ELOVL7: variants seen among roughly 807,000 people sequenced by gnomAD.
ELOVL7 encodes the protein ELOVL fatty acid elongase 7, also known as very long chain fatty acid elongase 7.
A neutral mutation model predicts 35.7 loss-of-function variants in ELOVL7; 27 were observed. That is an observed-to-expected ratio of 0.76 (90% CI 0.56 to 1.04). The LOEUF is 1.04. ELOVL7 is among the 50% of genes least tolerant of loss of function. ELOVL7 has a pLI of 0.00. For missense variants in ELOVL7, 327 were observed against 340.8 expected (o/e 0.96, Z 0.32); for synonymous variants, 113 against 114.6 (o/e 0.99, Z 0.09).
chr5:60,829,353 T>C (rs1479483547), intron 1 of ELOVL7, among the ~76,000 whole-genome samples: 4 of 152,178 alleles, frequency 2.6e-5, no homozygotes, highest in Non-Finnish European at 5.9e-5. Flanking sequence ...TTTTCTTTGA[T>C]GTTATAAGTT....
In ELOVL7 at chr5:60,831,002, G is replaced by A. The variant is rs561711518; in HGVS notation, c.-86+13158C>T. Among the ~76,000 whole-genome samples, 3 of 152,300 alleles carry A rather than the reference G, an allele frequency of 2.0e-5. No homozygotes were observed. In the East Asian group the frequency reaches 5.8e-4, roughly 29 times the overall value. ...TATGGGCAAGAGAAAGAGAAAAAAT[G>A]AGGAGAAATGACTTCTATATTTCAT... On this transcript the variant is annotated intron_variant, in intron 1 of 8. Coordinates refer to ENST00000508821, the MANE Select transcript of ELOVL7 (RefSeq NM_024930.3).
At chr5:60,782,610 CTA>C (rs1390673010) in intron 3 of ELOVL7, among the ~76,000 whole-genome samples, 1 of 152,178 alleles carries the variant, frequency 6.6e-6, no homozygotes, top group African/African-American at 2.4e-5. Flanking sequence ...AACCAATGGA[CTA>C]TTATTCAGCC....
chr5:60,802,067 T>C (rs1349006532), intron 1 of ELOVL7, among the ~76,000 whole-genome samples: 2 of 2,672 alleles, frequency 7.5e-4, no homozygotes, highest in Non-Finnish European at 7.5e-4. Flanking sequence ...CTCTCATATA[T>C]ATATATATAT....
chr5:60,812,989 G>A (rs1244556203), intron 1 of ELOVL7, among the ~76,000 whole-genome samples: 2 of 151,980 alleles, frequency 1.3e-5, no homozygotes, highest in African/African-American at 4.8e-5. Flanking sequence ...TGACTCCTAA[G>A]TCTACACTCT....
At chr5:60,788,966 A>G (rs1743764580) in intron 2 of ELOVL7, among the ~76,000 whole-genome samples, 1 of 152,190 alleles carries the variant, frequency 6.6e-6, no homozygotes, top group Non-Finnish European at 1.5e-5. Flanking sequence ...TAATCACTAA[A>G]TGGTGTGGCA....
chr5:60,776,415 C>T (rs1742907430), intron 3 of ELOVL7, among the ~76,000 whole-genome samples: 1 of 152,188 alleles, frequency 6.6e-6, no homozygotes, highest in African/African-American at 2.4e-5. Context: ...AATATACATA[C>T]ACTTGCATGT....
At chr5:60,844,035 C>G (rs1274003163) in intron 1 of ELOVL7, 125 bp downstream of exon 1, 1 of 152,578 alleles carries the variant, frequency 6.6e-6, no homozygotes, top group Non-Finnish European at 1.5e-5. Context: ...GCGCCGCGCC[C>G]AAGTTCCTCC....
intron 1 of ELOVL7, among the ~76,000 whole-genome samples, chr5:60,827,712 T>A (rs1299926660): frequency 6.6e-6 from 1 of 152,166 alleles, no homozygotes; most frequent in Admixed American, 6.5e-5. Context: ...ATTCTACAAA[T>A]GAGCATGTAA....
chr5:60,815,731 C>G (rs1429266107), intron 1 of ELOVL7, among the ~76,000 whole-genome samples: 1 of 151,972 alleles, frequency 6.6e-6, no homozygotes, highest in Non-Finnish European at 1.5e-5. Context: ...CCATGCCTGG[C>G]TAATTTTTCT....
rs930071290 is a variant in ELOVL7, at chr5:60,753,092, T to A, written c.*1532A>T. ...CTGGTAAGTGTAAACATAAAAATAC[T>A]TACTGTACACAGAGTACAATAAGTA... is the stretch of plus-strand genomic sequence containing the variant. On this transcript the variant is annotated 3_prime_UTR_variant, in exon 9 of 9. Transcript: ENST00000508821. 6.6e-6 allele frequency: 1 copy of A among 152,092 alleles called. No individual in the cohort carries two copies. The highest frequency in any genetic ancestry group is 2.4e-5 in the African/African-American group (1 of 41,424). The allele number at this position is 152,092 out of a possible 1,614,324, so 9.4% of individuals were successfully genotyped here. A position where few individuals can be genotyped will look rare whatever the true frequency, so the allele number is the denominator to read the frequency against.
chr5:60,762,299 C>CAAAA (rs3030130), intron 7 of ELOVL7, among the ~76,000 whole-genome samples: 3 of 79,526 alleles, frequency 3.8e-5, no homozygotes, highest in African/African-American at 8.1e-5. Context: ...AACTCTGCCT[C>CAAAA]AAAAAAAAAA....
At chr5:60,758,843 T>C (rs900807706) in intron 7 of ELOVL7, among the ~76,000 whole-genome samples, 4 of 152,210 alleles carry the variant, frequency 2.6e-5, no homozygotes, top group Non-Finnish European at 4.4e-5. Context: ...GGAATTTACA[T>C]TTTTCTCTAA....
At chr5:60,790,038 G>C (rs1426082079) in intron 2 of ELOVL7, among the ~76,000 whole-genome samples, 1 of 152,148 alleles carries the variant, frequency 6.6e-6, no homozygotes, top group Non-Finnish European at 1.5e-5. Context: ...TCAGGAGGCT[G>C]AGGCAGGGGA....
intron 1 of ELOVL7, among the ~76,000 whole-genome samples, chr5:60,834,726 A>G (rs1045737719): frequency 6.6e-6 from 1 of 152,194 alleles, no homozygotes; most frequent in Non-Finnish European, 1.5e-5. Context: ...TTACTACACT[A>G]TAGCGTAAAC....
At chr5:60,786,403 C>T (rs574003441) in intron 3 of ELOVL7, among the ~76,000 whole-genome samples, 105 of 152,242 alleles carry the variant, frequency 6.9e-4, no homozygotes, top group African/African-American at 2.5e-3. Flanking sequence ...TAATCCTACC[C>T]AGAGATAACT....
intron 1 of ELOVL7, among the ~76,000 whole-genome samples, chr5:60,825,949 G>C (rs927408012): frequency 6.6e-6 from 1 of 152,264 alleles, no homozygotes; most frequent in Non-Finnish European, 1.5e-5. Context: ...AGTCCAAGTA[G>C]GGACAGGAAT....
rs145080385 is a variant in ELOVL7 at position 60,756,415 on chromosome 5, G to A, written c.636+1094C>T. On this transcript the variant is annotated intron_variant, in intron 8 of 8. Coordinates refer to ENST00000508821, the MANE Select transcript of ELOVL7 (RefSeq NM_024930.3). Reference sequence around the variant, plus strand: ...TCTTTGCTTAATTAGGTGTTCTCACGTATTTGCAATGAGCATATACTACTT... The same window carrying A: ...TCTTTGCTTAATTAGGTGTTCTCACATATTTGCAATGAGCATATACTACTT... Among the ~76,000 whole-genome samples, 71 of 152,118 alleles carry A rather than the reference G, an allele frequency of 4.7e-4. 1 individual carries two copies. Among genetic ancestry groups the A allele is most frequent in the African/African-American group, 3.1e-4 (13 of 41,518 alleles).
chr5:60,801,439 C>T (rs2112286429), intron 1 of ELOVL7, among the ~76,000 whole-genome samples: 1 of 152,286 alleles, frequency 6.6e-6, no homozygotes, highest in Admixed American at 6.5e-5. Context: ...TGGTGGCTCA[C>T]ATCCGTAATC....
At chr5:60,764,893 G>A (rs1252743177) in intron 6 of ELOVL7, among the ~76,000 whole-genome samples, 1 of 152,080 alleles carries the variant, frequency 6.6e-6, no homozygotes, top group Non-Finnish European at 1.5e-5. Flanking sequence ...AAATGAGAAG[G>A]CGAAGGAAGG....
Sources: allele counts gnomAD v4.1 joint callset (sites outside exome capture counted in the v4.1 genomes callset), GRCh38; gene constraint gnomAD v4.1.1; transcripts MANE v1.5; gene names NCBI Gene and HGNC (gene_info 2026-07-23, HGNC 2026-07-21).